ACACA: variants seen among roughly 807,000 people sequenced by gnomAD.
ACACA encodes the protein acetyl-CoA carboxylase alpha, also known as acetyl-CoA carboxylase 1.
ACACA carries 103 observed loss-of-function variants against 296.1 expected under a neutral mutation model. The ratio of observed to expected loss-of-function variants is 0.35; its 90% CI spans 0.30 to 0.41. The LOEUF (loss-of-function observed/expected upper bound fraction) is 0.41. Ranked by LOEUF, ACACA falls within the 10% of genes least tolerant of loss-of-function variation. The pLI, the probability that ACACA is intolerant of heterozygous loss-of-function variation, is 1.00. For synonymous variants in ACACA, 953 were observed against 1,038.6 expected (o/e 0.92, Z 1.58); for missense variants, 1,554 against 2,989.7 (o/e 0.52, Z 11.20).
chr17:37,135,726 CAG>C (rs2075302643), intron 45 of ACACA, among the ~76,000 whole-genome samples: 1 of 152,018 alleles, frequency 6.6e-6, no homozygotes, highest in Admixed American at 6.6e-5. Flanking sequence ...GGGTAAGGAA[CAG>C]AGACTCATTT....
At chr17:37,297,446 GAAAA>G (rs34538373) in intron 3 of ACACA, among the ~76,000 whole-genome samples, 7 of 116,584 alleles carry the variant, frequency 6.0e-5, no homozygotes, top group Non-Finnish European at 1.2e-4. Flanking sequence ...TGTCTCGAAA[GAAAA>G]AAAAAAAAAA....
At chr17:37,287,810 C>T (rs916109796) in intron 3 of ACACA, among the ~76,000 whole-genome samples, 2 of 151,414 alleles carry the variant, frequency 1.3e-5, no homozygotes, top group African/African-American at 4.8e-5. Flanking sequence ...ACTTTGCCTA[C>T]TAGACTTAAG....
chr17:37,235,078 A>C lies in ACACA; in HGVS notation c.3143T>G (p.Phe1048Cys). 6.2e-7 allele frequency: 1 copy of C among 1,613,650 alleles called. No individual in the cohort carries two copies. Among genetic ancestry groups the C allele is most frequent in the Non-Finnish European group, 8.5e-7 (1 of 1,179,918 alleles). ...ACTTTTATTCTCTTCTCGGAGGGCG[A>C]ATACACATTTGTCATAGTGACCTGC... is the stretch of plus-strand genomic sequence containing the variant. The part of the protein sequence containing the change: ...FQNGHYDKCV[F>C]ALREENKSDM... The change falls in exon 25 of 56, where the codon TTC becomes TGC. Residue 1048 changes from phenylalanine (F) to cysteine (C), a missense_variant. Physicochemically the swap from Phe to Cys is radical, Grantham distance 205 (BLOSUM62 -2). Transcript: ENST00000616317.
At chr17:37,394,705 TC>T (rs1199407572) in intron 1 of ACACA, among the ~76,000 whole-genome samples, 1 of 141,668 alleles carries the variant, frequency 7.1e-6, no homozygotes, top group Non-Finnish European at 1.5e-5. Context: ...CGAAACCCTA[TC>T]TCTACTAAAA....
At chr17:37,119,115 C>T (rs537947810) in intron 50 of ACACA, among the ~76,000 whole-genome samples, 32 of 152,090 alleles carry the variant, frequency 2.1e-4, no homozygotes, top group Non-Finnish European at 3.7e-4. Context: ...AATATTAGAG[C>T]CAAGGAATTT....
chr17:37,376,968 T>C (rs543316995), intron 1 of ACACA, among the ~76,000 whole-genome samples: 1 of 151,858 alleles, frequency 6.6e-6, no homozygotes, highest in South Asian at 2.1e-4. Flanking sequence ...AATAAAAAAT[T>C]AAAATAAAAA....
intron 1 of ACACA, chr17:37,368,865 G>T (rs1174439115): frequency 2.0e-5 from 3 of 152,176 alleles, no homozygotes; most frequent in Non-Finnish European, 4.4e-5. Context: ...TATATTACAA[G>T]TAGGAGTGTA....
At chr17:37,165,318 G>A (rs1197118327) in intron 41 of ACACA, among the ~76,000 whole-genome samples, 1 of 152,058 alleles carries the variant, frequency 6.6e-6, no homozygotes, top group Non-Finnish European at 1.5e-5. Context: ...GCATATAAAG[G>A]TGAACATGGG....
intron 1 of ACACA, chr17:37,377,802 A>G: frequency 6.6e-6 from 8 of 1,214,460 alleles, no homozygotes; most frequent in Non-Finnish European, 9.6e-6. Flanking sequence ...CCAGAATTCT[A>G]AAAAGTAAGT....
intron 1 of ACACA, among the ~76,000 whole-genome samples, chr17:37,356,184 A>T (rs558722699): frequency 3.9e-4 from 59 of 152,270 alleles, no homozygotes; most frequent in Admixed American, 8.5e-4. Flanking sequence ...ATAATAAAAT[A>T]AAATTAAATT....
intron 14 of ACACA, among the ~76,000 whole-genome samples, chr17:37,256,795 A>T (rs1444907584): frequency 6.6e-6 from 1 of 152,234 alleles, no homozygotes; most frequent in Non-Finnish European, 1.5e-5. Flanking sequence ...GTTTATTAAT[A>T]CAAACAACCA....
intron 3 of ACACA, among the ~76,000 whole-genome samples, chr17:37,319,550 C>T (rs777514366): frequency 3.3e-5 from 5 of 152,004 alleles, no homozygotes; most frequent in African/African-American, 4.8e-5. Context: ...AGGCTGGGCA[C>T]GGTAGCTCAC....
chr17:37,367,483 C>T (rs2049649942), intron 1 of ACACA: 1 of 152,114 alleles, frequency 6.6e-6, no homozygotes, highest in South Asian at 2.1e-4. Flanking sequence ...TAAATCCTGA[C>T]TCTGTCGCTA....
chr17:37,261,820 C>T (rs189063018), intron 11 of ACACA, among the ~76,000 whole-genome samples: 2 of 152,208 alleles, frequency 1.3e-5, no homozygotes, highest in African/African-American at 2.4e-5. Flanking sequence ...CCAACGATTG[C>T]TATGTATTTT....
intron 1 of ACACA, among the ~76,000 whole-genome samples, chr17:37,374,743 G>A (rs968263374): frequency 1.3e-5 from 2 of 152,112 alleles, no homozygotes; most frequent in African/African-American, 2.4e-5. Context: ...CTCACCTGCC[G>A]TATTTAGCTC....
At chr17:37,281,514 C>A (rs974980878) in intron 5 of ACACA, among the ~76,000 whole-genome samples, 1 of 152,176 alleles carries the variant, frequency 6.6e-6, no homozygotes, top group Non-Finnish European at 1.5e-5. Context: ...AACTGTCAAT[C>A]TCCATGTTAA....
rs142905946 is a variant in ACACA at position 37,349,049 on chromosome 17, CTTTATTA to C, written c.39-9206_39-9200del. On this transcript the variant is annotated intron_variant, in intron 1 of 55. Transcript: ENST00000616317. ...AAGGGTTTTCAGAAAACAACATATTCTTTATTATTTATTATTATTATTATTTTTTGAG... is the reference window on the plus strand; with the variant it reads ...AAGGGTTTTCAGAAAACAACATATTCTTTATTATTATTATTATTTTTTGAG... Among the ~76,000 whole-genome samples the C allele has an allele frequency of 4.6e-3, 692 of 150,334 alleles. 3 individuals are homozygous for C. The highest frequency in any genetic ancestry group is 0.016 in the African/African-American group (656 of 41,158).
At chr17:37,292,694 T>TA (rs1188264248) in intron 3 of ACACA, among the ~76,000 whole-genome samples, 14 of 151,694 alleles carry the variant, frequency 9.2e-5, no homozygotes, top group East Asian at 7.8e-4. Flanking sequence ...CATCTCTACT[T>TA]AAAAAAAACA....
chr17:37,154,891 C>T (rs908056086), intron 43 of ACACA, among the ~76,000 whole-genome samples: 2 of 152,100 alleles, frequency 1.3e-5, no homozygotes, highest in Non-Finnish European at 2.9e-5. Context: ...ATAACAATTG[C>T]CATTTTTATT....
Sources: allele counts gnomAD v4.1 joint callset (sites outside exome capture counted in the v4.1 genomes callset), GRCh38; gene constraint gnomAD v4.1.1; transcripts MANE v1.5; gene names NCBI Gene and HGNC (gene_info 2026-07-23, HGNC 2026-07-21).